The following OPCML variants were observed in gnomAD, a reference collection of about 807,000 sequenced individuals.
OPCML encodes the protein opioid binding protein/cell adhesion molecule like.
OPCML carries 13 observed loss-of-function variants against 37.8 expected under a neutral mutation model. The ratio of observed to expected loss-of-function variants is 0.34; its 90% CI spans 0.22 to 0.55. The LOEUF (loss-of-function observed/expected upper bound fraction) is 0.55. Ranked by LOEUF, OPCML falls within the 20% of genes least tolerant of loss-of-function variation. The pLI, the probability that OPCML is intolerant of heterozygous loss-of-function variation, is 0.91. For synonymous variants in OPCML, 176 were observed against 168.8 expected (o/e 1.04, Z -0.33); for missense variants, 341 against 435.6 (o/e 0.78, Z 1.93).
intron 2 of OPCML, among the ~76,000 whole-genome samples, chr11:132,805,819 C>A (rs1938969540): frequency 6.6e-6 from 1 of 152,096 alleles, no homozygotes; most frequent in Non-Finnish European, 1.5e-5. Context: ...AAACTCAGAT[C>A]TATAGGTAAA....
At chr11:133,110,426 T>C (rs1949231858) in intron 1 of OPCML, among the ~76,000 whole-genome samples, 1 of 152,152 alleles carries the variant, frequency 6.6e-6, no homozygotes, top group South Asian at 2.1e-4. Context: ...AACTTGCTTG[T>C]TGTTGTGTGA....
At chr11:132,594,719 T>C (rs145507379) in intron 3 of OPCML, among the ~76,000 whole-genome samples, 1 of 152,294 alleles carries the variant, frequency 6.6e-6, no homozygotes, top group Non-Finnish European at 1.5e-5. Flanking sequence ...TATCCGATTA[T>C]ATCACCATGT....
chr11:133,529,007 G>A (rs1442945920), intron 1 of OPCML, among the ~76,000 whole-genome samples: 6 of 152,240 alleles, frequency 3.9e-5, no homozygotes, highest in Non-Finnish European at 7.3e-5. Flanking sequence ...AGCCTTGGCT[G>A]CTGGCAATGA....
chr11:133,391,517 C>A (rs1028210333), intron 1 of OPCML, among the ~76,000 whole-genome samples: 1 of 152,200 alleles, frequency 6.6e-6, no homozygotes, highest in Non-Finnish European at 1.5e-5. Flanking sequence ...TCCAACCATC[C>A]TTTAGCTGCT....
chr11:132,905,225 C>CTTTTTTT (rs373679886), intron 2 of OPCML, among the ~76,000 whole-genome samples: 7 of 88,362 alleles, frequency 7.9e-5, no homozygotes, highest in East Asian at 3.6e-4. Context: ...GAAAGCAGTT[C>CTTTTTTT]TTTTTTTTTT....
chr11:132,796,213 C>T (rs1238287538), intron 2 of OPCML, among the ~76,000 whole-genome samples: 1 of 152,130 alleles, frequency 6.6e-6, no homozygotes, highest in Non-Finnish European at 1.5e-5. Context: ...TACCAAGAGA[C>T]AAATGCACTT....
chr11:132,602,901 A>T (rs1304098494), intron 3 of OPCML, among the ~76,000 whole-genome samples: 1 of 152,240 alleles, frequency 6.6e-6, no homozygotes, highest in African/African-American at 2.4e-5. Flanking sequence ...TGCTCAGGTC[A>T]CGGACAGTAG....
chr11:132,510,798 C>A (rs2096267228), intron 4 of OPCML, among the ~76,000 whole-genome samples: 1 of 152,056 alleles, frequency 6.6e-6, no homozygotes, highest in Non-Finnish European at 1.5e-5. Flanking sequence ...ACACACAAAT[C>A]AGCTACTAGG....
chr11:133,454,437 TC>T (rs1317211451), intron 1 of OPCML, among the ~76,000 whole-genome samples: 1 of 152,092 alleles, frequency 6.6e-6, no homozygotes. Context: ...CTATAGTTTT[TC>T]CCCCCGTCCG....
intron 4 of OPCML, among the ~76,000 whole-genome samples, chr11:132,523,367 T>C (rs2096299151): frequency 7.1e-6 from 1 of 140,786 alleles, no homozygotes; most frequent in South Asian, 2.2e-4. Context: ...AAGCCAAACA[T>C]TATTTCCCCC....
At chr11:133,508,127 T>C (rs1948074843) in intron 1 of OPCML, among the ~76,000 whole-genome samples, 1 of 152,114 alleles carries the variant, frequency 6.6e-6, no homozygotes, top group South Asian at 2.1e-4. Context: ...TCGTGGTTGT[T>C]TGTAAGCTTC....
intron 1 of OPCML, among the ~76,000 whole-genome samples, chr11:133,428,547 A>G (rs201640357): frequency 6.6e-6 from 1 of 152,258 alleles, no homozygotes; most frequent in African/African-American, 2.4e-5. Flanking sequence ...TTTTAAAAAT[A>G]CATAATGGAA....
chr11:133,269,386 C>T (rs1941754751), intron 1 of OPCML, among the ~76,000 whole-genome samples: 1 of 152,140 alleles, frequency 6.6e-6, no homozygotes, highest in South Asian at 2.1e-4. Context: ...AACCTCAGAG[C>T]CACAAGGTGC....
chr11:133,175,669 T>C (rs1193518220), intron 1 of OPCML, among the ~76,000 whole-genome samples: 1 of 151,644 alleles, frequency 6.6e-6, no homozygotes, highest in African/African-American at 2.4e-5. Flanking sequence ...TTTTTTTTTT[T>C]TTTTGAGAGT....
chr11:132,846,000 G>A (rs967866876), intron 2 of OPCML, among the ~76,000 whole-genome samples: 6 of 152,070 alleles, frequency 3.9e-5, no homozygotes, highest in African/African-American at 1.2e-4. Flanking sequence ...GCTTCAGAAC[G>A]CTGAGAGCAA....
intron 2 of OPCML, among the ~76,000 whole-genome samples, chr11:132,900,741 C>A (rs930740518): frequency 2.6e-5 from 4 of 152,138 alleles, no homozygotes; most frequent in Admixed American, 1.3e-4. Context: ...GCCAAACTAA[C>A]TCCAGCTCCT....
At chr11:132,608,221 C>G (rs1411243234) in intron 3 of OPCML, among the ~76,000 whole-genome samples, 2 of 152,190 alleles carry the variant, frequency 1.3e-5, no homozygotes. Flanking sequence ...TCAGAAAGCA[C>G]ATGCTCAAAT....
chr11:133,410,808 T>C (rs557437898), intron 1 of OPCML, among the ~76,000 whole-genome samples: 1 of 152,268 alleles, frequency 6.6e-6, no homozygotes, highest in Admixed American at 6.5e-5. Context: ...GACGACATGT[T>C]GTACATTCTG....
intron 1 of OPCML, among the ~76,000 whole-genome samples, chr11:133,027,130 A>T (rs529919242): frequency 4.6e-5 from 7 of 152,254 alleles, no homozygotes; most frequent in Middle Eastern, 3.4e-3. Flanking sequence ...TTTTGTGGTG[A>T]CCCACTTGTC....
Sources: allele counts gnomAD v4.1 joint callset (sites outside exome capture counted in the v4.1 genomes callset), GRCh38; gene constraint gnomAD v4.1.1; transcripts MANE v1.5; gene names NCBI Gene and HGNC (gene_info 2026-07-23, HGNC 2026-07-21).